CACHD1: variants seen among roughly 807,000 people sequenced by gnomAD.
The protein encoded by CACHD1 is VWFA and cache domain-containing protein 1.
A neutral mutation model predicts 138.7 loss-of-function variants in CACHD1; 71 were observed. The observed-to-expected ratio is 0.51, with a 90% CI of 0.42 to 0.62. The LOEUF is 0.62. Among genes scored for constraint, CACHD1 ranks in the 20% least tolerant of loss-of-function variants. CACHD1 has a pLI of 0.00. For missense variants in CACHD1, 1,389 were observed against 1,625.3 expected (o/e 0.85, Z 2.50); for synonymous variants, 578 against 591.5 (o/e 0.98, Z 0.33).
At chr1:64,575,313 TAGAA>T (rs1646958578) in intron 2 of CACHD1, among the ~76,000 whole-genome samples, 2 of 152,172 alleles carry the variant, frequency 1.3e-5, no homozygotes, top group South Asian at 4.1e-4. Flanking sequence ...CTATTACTAA[TAGAA>T]AGAATAGCAG....
chr1:64,683,563 T>C (rs1650256965), intron 26 of CACHD1, among the ~76,000 whole-genome samples: 4 of 152,216 alleles, frequency 2.6e-5, no homozygotes, highest in African/African-American at 9.6e-5. Flanking sequence ...TCTCCCATTG[T>C]CTCAGTAAAA....
rs57993424 is a variant in CACHD1, at chr1:64,681,541, GT to G, written c.3484+229del. ...AGAGAATCTCAAAAGATTTTATTGT[GT>G]TTTTTTTTTTTTTTTTTTTTTTGCA... On this transcript the variant is annotated intron_variant, in intron 25 of 26. Coordinates refer to ENST00000651257, the MANE Select transcript of CACHD1 (RefSeq NM_020925.4). 4.5e-3 allele frequency among the ~76,000 whole-genome samples: 304 copies of G among 68,132 alleles called. 1 individual carries two copies. The highest frequency in any genetic ancestry group is 0.012 in the African/African-American group (170 of 13,648). 44.7% of individuals were successfully genotyped at this position (68,132 alleles called of 152,430 possible).
At chr1:64,629,324 TG>T in intron 4 of CACHD1, 30 bp from the exon 5 acceptor site, 1 of 1,610,734 alleles carries the variant, frequency 6.2e-7, no homozygotes, top group Non-Finnish European at 8.5e-7. Context: ...GTGGATTTGG[TG>T]GTTATATTTC....
chr1:64,585,443 A>C (rs1210555951), intron 3 of CACHD1, among the ~76,000 whole-genome samples: 2 of 152,228 alleles, frequency 1.3e-5, no homozygotes, highest in Non-Finnish European at 2.9e-5. Context: ...AACATCCATG[A>C]GACCTTAACT....
In CACHD1 at chr1:64,681,326, A is replaced by C; in HGVS notation, c.3475A>C (p.Arg1159=). Reference sequence around the variant, plus strand: ...AAGGGACGACGACAGCCACGAAGACAGAGGCATCAGTGAGTATTCAGCTGC... The same window carrying C: ...AAGGGACGACGACAGCCACGAAGACCGAGGCATCAGTGAGTATTCAGCTGC... The part of the protein sequence containing the change: ...DERDDDSHED[R]GIISNTRFIA... The change falls in exon 25 of 27, where the codon AGA becomes CGA. Residue 1159 remains arginine (R), a synonymous_variant. Coordinates refer to ENST00000651257, the MANE Select transcript of CACHD1 (RefSeq NM_020925.4). 1 of 1,613,514 alleles carries C rather than the reference A, an allele frequency of 6.2e-7. No homozygotes were observed. Among genetic ancestry groups the C allele is most frequent in the Non-Finnish European group, 8.5e-7 (1 of 1,179,450 alleles).
intron 26 of CACHD1, among the ~76,000 whole-genome samples, chr1:64,690,567 G>T (rs1650513495): frequency 6.6e-6 from 1 of 152,070 alleles, no homozygotes; most frequent in African/African-American, 2.4e-5. Context: ...AATGGGGTGG[G>T]GGGCAGCTAA....
At chr1:64,655,882 G>C (rs1241792749) in intron 12 of CACHD1, among the ~76,000 whole-genome samples, 1 of 152,220 alleles carries the variant, frequency 6.6e-6, no homozygotes, top group Non-Finnish European at 1.5e-5. Context: ...CAAATCAGAT[G>C]TTTAACCTGT....
intron 2 of CACHD1, among the ~76,000 whole-genome samples, chr1:64,571,937 G>A (rs376472703): frequency 2.0e-5 from 3 of 152,200 alleles, no homozygotes; most frequent in Admixed American, 1.3e-4. Context: ...ATTGTCTAGC[G>A]GCCTCCCTTT....
At chr1:64,634,294 A>G (rs1648427092) in intron 7 of CACHD1, 34 bp downstream of exon 7, 4 of 1,516,590 alleles carry the variant, frequency 2.6e-6, no homozygotes, top group Non-Finnish European at 3.7e-6. Context: ...TTAGAGGCAT[A>G]GTAGATAAAG....
chr1:64,556,822 G>A (rs371685773), intron 2 of CACHD1, among the ~76,000 whole-genome samples: 5 of 152,070 alleles, frequency 3.3e-5, no homozygotes, highest in South Asian at 2.1e-4. Flanking sequence ...AAAATTCCAC[G>A]CACACATTCT....
intron 1 of CACHD1, among the ~76,000 whole-genome samples, chr1:64,491,945 GT>G (rs11445405): frequency 0.091 from 13,442 of 147,384 alleles, 666 homozygotes; most frequent in East Asian, 0.18. Context: ...TTTGTTTTTT[GT>G]TTTTTTTTTA....
chr1:64,484,984 A>G (rs1646233382), intron 1 of CACHD1, among the ~76,000 whole-genome samples: 1 of 152,188 alleles, frequency 6.6e-6, no homozygotes. Flanking sequence ...TCTTTTGAGC[A>G]TGTGCCCAGA....
Position 64,617,856 on chromosome 1 carries a change from A to T in CACHD1, c.518-11499A>T, listed in dbSNP as rs374578507. Among the ~76,000 whole-genome samples the T allele has an allele frequency of 6.6e-5, 10 of 152,340 alleles. No individual in the cohort carries two copies. In the East Asian group the frequency reaches 1.2e-3, roughly 18 times the overall value. ...TACTTTGGGAGACCAAGGTGGGTGGATCTCCTGAGATCAGAAGTTCAAGAC... is the reference window on the plus strand; with the variant it reads ...TACTTTGGGAGACCAAGGTGGGTGGTTCTCCTGAGATCAGAAGTTCAAGAC... On this transcript the variant is annotated intron_variant, in intron 4 of 26. Transcript: ENST00000651257.
At chr1:64,562,985 T>C (rs1051173384) in intron 2 of CACHD1, among the ~76,000 whole-genome samples, 1 of 152,220 alleles carries the variant, frequency 6.6e-6, no homozygotes, top group Non-Finnish European at 1.5e-5. Context: ...GTTATATTCT[T>C]GTGAGGAGTG....
intron 16 of CACHD1, among the ~76,000 whole-genome samples, chr1:64,667,214 G>T (rs1281900624): frequency 6.6e-6 from 1 of 152,156 alleles, no homozygotes; most frequent in Non-Finnish European, 1.5e-5. Context: ...AACCAAGAAA[G>T]ATCATATTTT....
intron 1 of CACHD1, among the ~76,000 whole-genome samples, chr1:64,537,134 G>C (rs1445288432): frequency 2.0e-5 from 3 of 152,112 alleles, no homozygotes; most frequent in Admixed American, 6.6e-5. Flanking sequence ...AGCACCAAAA[G>C]GGCTTTAATC....
intron 7 of CACHD1, among the ~76,000 whole-genome samples, chr1:64,636,717 C>T (rs960090815): frequency 2.6e-5 from 4 of 152,122 alleles, no homozygotes; most frequent in African/African-American, 9.7e-5. Context: ...ATTAGATCAG[C>T]CCCACTTTCC....
intron 2 of CACHD1, among the ~76,000 whole-genome samples, chr1:64,563,344 A>G (rs1327121525): frequency 6.6e-6 from 1 of 152,184 alleles, no homozygotes; most frequent in South Asian, 2.1e-4. Context: ...GCAGGTATTA[A>G]TACTCCAAAT....
chr1:64,668,399 T>G (rs1176521125), intron 16 of CACHD1, among the ~76,000 whole-genome samples: 1 of 149,578 alleles, frequency 6.7e-6, no homozygotes, highest in Non-Finnish European at 1.5e-5. Flanking sequence ...ATGCCTATAA[T>G]CCCAACTACT....
Sources: allele counts gnomAD v4.1 joint callset (sites outside exome capture counted in the v4.1 genomes callset), GRCh38; gene constraint gnomAD v4.1.1; transcripts MANE v1.5; gene names NCBI Gene and HGNC (gene_info 2026-07-23, HGNC 2026-07-21).